Variants in SASH1 observed in about 807,000 individuals in gnomAD.
The protein encoded by SASH1 is SAM and SH3 domain-containing protein 1.
A neutral mutation model predicts 125.2 loss-of-function variants in SASH1; 44 were observed. That is an observed-to-expected ratio of 0.35 (90% CI 0.28 to 0.45). The LOEUF is 0.45. Among genes scored for constraint, SASH1 ranks in the 20% least tolerant of loss-of-function variants. The pLI, the probability that SASH1 is intolerant of heterozygous loss-of-function variation, is 1.00. For synonymous variants in SASH1, 639 were observed against 649.1 expected (o/e 0.98, Z 0.24); for missense variants, 1,426 against 1,614.5 (o/e 0.88, Z 2.00).
intron 1 of SASH1, among the ~76,000 whole-genome samples, chr6:148,362,293 G>T (rs111254824): frequency 0.019 from 2,886 of 151,276 alleles, 42 homozygotes; most frequent in Middle Eastern, 0.045. Context: ...CGCCATCTTG[G>T]CTCACTACAA....
intron 1 of SASH1, among the ~76,000 whole-genome samples, chr6:148,348,008 T>C (rs887257218): frequency 3.9e-5 from 6 of 152,128 alleles, no homozygotes; most frequent in Non-Finnish European, 2.9e-5. Context: ...TATTTATTTG[T>C]TTATTTATTT....
At chr6:148,478,478 A>G (rs1161672468) in intron 7 of SASH1, among the ~76,000 whole-genome samples, 2 of 152,168 alleles carry the variant, frequency 1.3e-5, no homozygotes, top group African/African-American at 2.4e-5. Flanking sequence ...AAAAATTAAA[A>G]CAATTGAACT....
intron 5 of SASH1, 102 bp downstream of exon 5, chr6:148,468,687 G>T: frequency 1.4e-6 from 1 of 722,726 alleles, no homozygotes; most frequent in Non-Finnish European, 2.3e-6. Context: ...CTTCTACTCA[G>T]AAATAAACAC....
intron 1 of SASH1, among the ~76,000 whole-genome samples, chr6:148,322,331 A>G (rs933008353): frequency 2.0e-5 from 3 of 152,160 alleles, no homozygotes; most frequent in Non-Finnish European, 4.4e-5. Context: ...CAGCCTGGGC[A>G]ATAGAGCAAG....
At chr6:148,215,175 G>A in the SASH1 span, among the ~76,000 whole-genome samples, 1 of 152,168 alleles carries the variant, frequency 6.6e-6, no homozygotes, top group Non-Finnish European at 1.5e-5. Context: ...CCTGTGAGAA[G>A]GGCCACTCAC....
intron 8 of SASH1, chr6:148,513,269 G>A: frequency 1.0e-6 from 1 of 985,440 alleles, no homozygotes; most frequent in Non-Finnish European, 1.2e-6. Context: ...TCCATGAACT[G>A]GGTTGGAGGA....
chr6:148,218,496 T>C, the SASH1 span, among the ~76,000 whole-genome samples: 9 of 152,202 alleles, frequency 5.9e-5, no homozygotes, highest in African/African-American at 1.2e-4. Flanking sequence ...ATTCCTCTAC[T>C]TTGTTGGTTC....
intron 2 of SASH1, among the ~76,000 whole-genome samples, chr6:148,432,551 A>C (rs1006894964): frequency 3.9e-4 from 60 of 152,326 alleles, no homozygotes; most frequent in African/African-American, 1.4e-3. Context: ...GTGGCTAAGC[A>C]TCCGATCGCC....
In SASH1 at chr6:148,546,563, A is replaced by C. The variant is rs979035861; in HGVS notation, c.3480+417A>C. Among the ~76,000 whole-genome samples the C allele has an allele frequency of 2.0e-5, 3 of 152,200 alleles. No homozygotes were observed. In the East Asian group the frequency reaches 5.8e-4, roughly 29 times the overall value. Reference sequence around the variant, plus strand: ...GTTTCAGTTAGAAGCATAACTTCCAAAGATCTATTGTTCAACATGGTGACT... The same window carrying C: ...GTTTCAGTTAGAAGCATAACTTCCACAGATCTATTGTTCAACATGGTGACT... On this transcript the variant is annotated intron_variant, in intron 19 of 19. Transcript: ENST00000367467.
At position 148,523,230 on chromosome 6, in the gene SASH1, A is replaced by T. The variant is rs896164478; in HGVS notation, c.1210-2061A>T. ...GACGTGCAAAAGCCATACAATGATGAGGCATCTGGGTGCCATACCATGTCT... is the reference window on the plus strand; with the variant it reads ...GACGTGCAAAAGCCATACAATGATGTGGCATCTGGGTGCCATACCATGTCT... On this transcript the variant is annotated intron_variant, in intron 10 of 19. Coordinates refer to ENST00000367467, the MANE Select transcript of SASH1 (RefSeq NM_015278.5). 2.0e-5 allele frequency among the ~76,000 whole-genome samples: 3 copies of T among 152,226 alleles called. No homozygotes were observed. In the East Asian group the frequency reaches 5.8e-4, roughly 29 times the overall value.
At chr6:148,340,484 C>G (rs1351632296), upstream of SASH1, among the ~76,000 whole-genome samples, 2 of 124,046 alleles carry the variant, frequency 1.6e-5, no homozygotes, top group African/African-American at 5.8e-5. Context: ...GAGCAAGACT[C>G]TGTCTCAAAA....
chr6:148,368,770 G>A (rs866741077), intron 1 of SASH1, among the ~76,000 whole-genome samples: 62 of 135,694 alleles, frequency 4.6e-4, no homozygotes, highest in Middle Eastern at 3.7e-3. Context: ...GCACGCGCGC[G>A]CACACACACA....
At chr6:148,323,343 T>G (rs562584830) in intron 1 of SASH1, among the ~76,000 whole-genome samples, 1 of 152,208 alleles carries the variant, frequency 6.6e-6, no homozygotes, top group African/African-American at 2.4e-5. Flanking sequence ...AAAATAAACA[T>G]ACCTGAGTCC....
intron 1 of SASH1, among the ~76,000 whole-genome samples, chr6:148,387,681 T>TTTCTTTCTTTC: frequency 7.9e-6 from 1 of 126,562 alleles, no homozygotes; most frequent in East Asian, 2.1e-4. Context: ...TCTTTCTTTC[T>TTTCTTTCTTTC]TTCTTTCTTT....
chr6:148,421,154 A>AAAGAAAGGAAGG (rs1785060491), intron 2 of SASH1, among the ~76,000 whole-genome samples: 1 of 44,866 alleles, frequency 2.2e-5, no homozygotes, highest in African/African-American at 7.6e-5. Flanking sequence ...AGGAAGAAAG[A>AAAGAAAGGAAGG]AAGAAAGAAA....
intron 1 of SASH1, among the ~76,000 whole-genome samples, chr6:148,301,576 C>T (rs551634023): frequency 7.2e-4 from 102 of 141,938 alleles, no homozygotes; most frequent in South Asian, 4.8e-3. Context: ...TGGGGTTTTT[C>T]TTTTCTTTTC....
At chr6:148,277,321 T>G (rs770941492) in intron 1 of SASH1, among the ~76,000 whole-genome samples, 1 of 152,192 alleles carries the variant, frequency 6.6e-6, no homozygotes, top group Non-Finnish European at 1.5e-5. Flanking sequence ...AAATACCACG[T>G]TAACAATACC....
At chr6:148,341,317 G>GTTTTTTTTTT (rs1179914037), upstream of SASH1, among the ~76,000 whole-genome samples, 19 of 120,222 alleles carry the variant, frequency 1.6e-4, 1 homozygote, top group African/African-American at 5.7e-4. Context: ...GCTATGTTTT[G>GTTTTTTTTTT]TTTTTTTTTT....
In SASH1 at chr6:148,544,832, T is replaced by C. The variant is rs539080773; in HGVS notation, c.3348+14T>C. The C allele has an allele frequency of 8.5e-5, 133 of 1,558,228 alleles. 1 individual carries two copies. The South Asian group carries it at 1.5e-3, about 18-fold the overall frequency. ...TATTCTGATAAGGTATCAAAGGTCC[T>C]GGGCCCACCACGTTCACAGGCCTTT... On this transcript the variant is annotated intron_variant, in intron 18 of 19. Transcript: ENST00000367467. The surrounding 1 kb of genome is among the most constrained non-coding windows in gnomAD (Gnocchi z 6.4).
Sources: gnomAD v4.1 joint callset for allele counts (sites outside exome capture counted in the v4.1 genomes callset) on GRCh38, gnomAD v4.1.1 for gene constraint, Gnocchi (gnomAD v3.1) non-coding constraint, MANE v1.5 for transcripts, NCBI Gene and HGNC (gene_info 2026-07-23, HGNC 2026-07-21) for gene names.